PSAP: variants seen among roughly 807,000 people sequenced by gnomAD.
The protein encoded by PSAP is prosaposin.
In PSAP, 25 loss-of-function variants were observed where a neutral mutation model predicts 66.0. The observed-to-expected ratio is 0.38, with a 90% CI of 0.28 to 0.53. The LOEUF (loss-of-function observed/expected upper bound fraction) is 0.53. PSAP is among the 20% of genes least tolerant of loss of function. The pLI, the probability that PSAP is intolerant of heterozygous loss-of-function variation, is 0.83. For synonymous variants in PSAP, 273 were observed against 258.9 expected (o/e 1.05, Z -0.52); for missense variants, 649 against 668.8 (o/e 0.97, Z 0.33).
chr10:71,823,795 C>T, intron 7 of PSAP: 2 of 900,004 alleles, frequency 2.2e-6, no homozygotes, highest in Non-Finnish European at 3.1e-6. Context: ...TTGTATCTGT[C>T]AGAGCTAATC....
chr10:71,827,169 G>A (rs1842411880), intron 6 of PSAP, among the ~76,000 whole-genome samples: 1 of 151,960 alleles, frequency 6.6e-6, no homozygotes, highest in African/African-American at 2.4e-5. Context: ...GGCCGAGGCA[G>A]GCGGATCATG....
intron 1 of PSAP, among the ~76,000 whole-genome samples, chr10:71,841,588 G>A (rs190905640): frequency 1.1e-3 from 173 of 152,262 alleles, no homozygotes; most frequent in African/African-American, 3.5e-3. Flanking sequence ...AAAGCAAAAC[G>A]GGCCAGGCAC....
chr10:71,847,242 G>A (rs1842840037), intron 1 of PSAP, among the ~76,000 whole-genome samples: 1 of 152,082 alleles, frequency 6.6e-6, no homozygotes. Context: ...ATTACTTGAG[G>A]TCAGGAGTTC....
In PSAP at chr10:71,831,837, G is replaced by A. The variant is rs771189289; in HGVS notation, c.249+9C>T. The stretch of plus-strand genomic sequence containing the variant: ...GGCTCAAGCACCATCCCCACTCACC[G>A]CCGCTCACCTCAGTGGCATTGTCCT... On this transcript the variant is annotated intron_variant, in intron 3 of 13. Transcript: ENST00000394936. The A allele has an allele frequency of 1.7e-5, 27 of 1,613,646 alleles. No homozygotes were observed. The highest frequency in any genetic ancestry group is 9.9e-5 in the South Asian group (9 of 91,076).
rs763768157 is a variant in PSAP at position 71,818,743 on chromosome 10, A to G, written c.1432-19T>C. On this transcript the variant is annotated intron_variant, in intron 12 of 13. Coordinates refer to ENST00000394936, the MANE Select transcript of PSAP (RefSeq NM_002778.4). The stretch of plus-strand genomic sequence containing the variant: ...CAATTTTCTATATGGTGAGAAAAGG[A>G]AAGAAGAAAGGGGGAGAATGAGAGC... 1.3e-5 allele frequency: 21 copies of G among 1,593,538 alleles called. No individual in the cohort carries two copies. In the South Asian group the frequency reaches 2.3e-4, roughly 18 times the overall value.
chr10:71,828,784 G>A, intron 5 of PSAP, 93 bp downstream of exon 5: 1 of 1,411,622 alleles, frequency 7.1e-7, no homozygotes. Context: ...ATAAGCCCCA[G>A]TTTAAGAACC....
rs1564815839 is a variant in PSAP, at chr10:71,820,341, GAA to G, written c.910-8_910-7del. 6.2e-7 allele frequency: 1 copy of G among 1,610,070 alleles called. No individual in the cohort carries two copies. The highest frequency in any genetic ancestry group is 8.5e-7 in the Non-Finnish European group (1 of 1,176,312). On this transcript the variant is annotated splice_polypyrimidine_tract_variant and splice_region_variant and intron_variant, in intron 8 of 13. Coordinates refer to ENST00000394936, the MANE Select transcript of PSAP (RefSeq NM_002778.4). ...TTTGCTGGGACCTCGTGCTTCTGTG[GAA>G]AGAGTAGAAGGAGAGTACTTTCAAT...
Position 71,851,251 on chromosome 10 carries a change from C to T in PSAP, c.-30G>A, listed in dbSNP as rs781020355. 6.5e-7 allele frequency: 1 copy of T among 1,549,886 alleles called. No homozygotes were observed. The highest frequency in any genetic ancestry group is 1.2e-5 in the South Asian group (1 of 84,036). On this transcript the variant is annotated 5_prime_UTR_variant, in exon 1 of 14. Transcript: ENST00000394936. ...CCGTCTGACTCCGCAGTCTGCAATG[C>T]GGAGCGTCAGCTGATCCCCCGCAGA...
chr10:71,833,196 G>A (rs1260252331), intron 2 of PSAP, among the ~76,000 whole-genome samples: 2 of 152,140 alleles, frequency 1.3e-5, no homozygotes, highest in Non-Finnish European at 2.9e-5. Flanking sequence ...AGTCGTGGTA[G>A]CCCACGCCTG....
intron 1 of PSAP, among the ~76,000 whole-genome samples, chr10:71,841,589 G>A (rs556453457): frequency 9.9e-5 from 15 of 152,264 alleles, no homozygotes; most frequent in African/African-American, 3.6e-4. Flanking sequence ...AAGCAAAACG[G>A]GCCAGGCACA....
At chr10:71,843,723 T>C (rs1842771457) in intron 1 of PSAP, among the ~76,000 whole-genome samples, 1 of 152,186 alleles carries the variant, frequency 6.6e-6, no homozygotes, top group Admixed American at 6.5e-5. Context: ...TGGGAAGAGA[T>C]TAAGGAGACC....
chr10:71,848,822 A>G (rs1842872316), intron 1 of PSAP, among the ~76,000 whole-genome samples: 1 of 152,248 alleles, frequency 6.6e-6, no homozygotes, highest in Admixed American at 6.5e-5. Flanking sequence ...GCCAGGGAGC[A>G]TTCAAACACT....
chr10:71,819,008 C>T, intron 12 of PSAP, 23 bp downstream of exon 12: 1 of 1,609,226 alleles, frequency 6.2e-7, no homozygotes, highest in Non-Finnish European at 8.5e-7. Flanking sequence ...CCCGAGAGGA[C>T]CACACCACCC....
chr10:71,818,847 G>C, intron 12 of PSAP, 123 bp from the exon 13 acceptor site: 1 of 1,050,976 alleles, frequency 9.5e-7, no homozygotes, highest in Non-Finnish European at 1.5e-6. Flanking sequence ...CGCTCTTTCA[G>C]AACATCAGGG....
chr10:71,850,979 G>A (rs1411256111), intron 1 of PSAP, among the ~76,000 whole-genome samples: 1 of 152,240 alleles, frequency 6.6e-6, no homozygotes, highest in Non-Finnish European at 1.5e-5. Flanking sequence ...GTCCTCCCGG[G>A]GGCATTTTCG....
At chr10:71,829,823 AC>A (rs1463336891) in intron 4 of PSAP, among the ~76,000 whole-genome samples, 2 of 151,838 alleles carry the variant, frequency 1.3e-5, no homozygotes, top group African/African-American at 4.8e-5. Context: ...ATGTGGTAAA[AC>A]CCCATCTCTA....
chr10:71,828,781 CCA>C, intron 5 of PSAP, 94 bp downstream of exon 5: 1 of 1,371,314 alleles, frequency 7.3e-7, no homozygotes, highest in South Asian at 1.3e-5. Flanking sequence ...GGGATAAGCC[CCA>C]GTTTAAGAAC....
At chr10:71,847,677 G>C (rs1230434721) in intron 1 of PSAP, among the ~76,000 whole-genome samples, 2 of 150,606 alleles carry the variant, frequency 1.3e-5, no homozygotes, top group African/African-American at 4.9e-5. Flanking sequence ...AAAACAACCT[G>C]TCAAATGTAC....
rs1229121337 is a variant in PSAP at position 71,831,234 on chromosome 10, G to A, written c.267C>T (p.Tyr89=). 8 of 1,614,046 alleles carry A rather than the reference G, an allele frequency of 5.0e-6. No individual in the cohort carries two copies. The highest frequency in any genetic ancestry group is 6.8e-6 in the Non-Finnish European group (8 of 1,179,966). The stretch of plus-strand genomic sequence containing the variant: ...GAAGCCAGTCACAGGTCTTCTCCAA[G>A]TAAACAAGGATCTCCTCCTACGAGA... ...DNATEEEILV[Y]LEKTCDWLPK... Residue 89 remains tyrosine, a synonymous_variant, in exon 4 of 14, where the codon TAC becomes TAT. Transcript: ENST00000394936.
Sources: gnomAD v4.1 joint callset for allele counts (sites outside exome capture counted in the v4.1 genomes callset) on GRCh38, gnomAD v4.1.1 for gene constraint, MANE v1.5 for transcripts, NCBI Gene and HGNC (gene_info 2026-07-23, HGNC 2026-07-21) for gene names.